The following DNAH9 variants were observed in gnomAD, a reference collection of about 807,000 sequenced individuals.
DNAH9 encodes DNAH9 variant protein.
A neutral mutation model predicts 471.6 loss-of-function variants in DNAH9; 345 were observed. That is an observed-to-expected ratio of 0.73 (90% CI 0.67 to 0.80). DNAH9 has a LOEUF of 0.80. Among genes scored for constraint, DNAH9 ranks in the 30% least tolerant of loss-of-function variants. The pLI is 0.00. For missense variants in DNAH9, 5,407 were observed against 5,609.2 expected (o/e 0.96, Z 1.15); for synonymous variants, 2,093 against 2,123.6 (o/e 0.99, Z 0.40).
At chr17:11,737,422 C>T (rs572571458) in intron 28 of DNAH9, among the ~76,000 whole-genome samples, 9 of 151,054 alleles carry the variant, frequency 6.0e-5, no homozygotes, top group African/African-American at 1.5e-4. Context: ...TGGACTTAGC[C>T]GACCTGCTGA....
At chr17:11,654,766 C>G (rs575420908) in intron 14 of DNAH9, among the ~76,000 whole-genome samples, 5 of 152,010 alleles carry the variant, frequency 3.3e-5, no homozygotes, top group African/African-American at 1.2e-4. Context: ...TCATGTAATT[C>G]TCATGAAAAT....
intron 1 of DNAH9, among the ~76,000 whole-genome samples, chr17:11,602,806 C>G (rs903667506): frequency 2.0e-5 from 3 of 152,158 alleles, no homozygotes; most frequent in African/African-American, 7.2e-5. Flanking sequence ...TCCCAACAAC[C>G]ACCAACCTCA....
intron 67 of DNAH9, among the ~76,000 whole-genome samples, chr17:11,953,533 C>T (rs1446785520): frequency 1.3e-5 from 2 of 152,050 alleles, no homozygotes; most frequent in Non-Finnish European, 2.9e-5. Flanking sequence ...CTGACAAGGC[C>T]AGGTGCGGTG....
chr17:11,646,465 C>T (rs1366505844), intron 11 of DNAH9, among the ~76,000 whole-genome samples: 4 of 152,182 alleles, frequency 2.6e-5, no homozygotes, highest in South Asian at 2.1e-4. Context: ...GAATGATGAA[C>T]GTCCATGAGC....
At chr17:11,696,080 C>T (rs1182695042) in intron 22 of DNAH9, among the ~76,000 whole-genome samples, 4 of 152,196 alleles carry the variant, frequency 2.6e-5, no homozygotes, top group Non-Finnish European at 4.4e-5. Flanking sequence ...GCCATAACCA[C>T]GTCTGTTCCA....
At chr17:11,770,447 G>GT (rs142113052) in intron 38 of DNAH9, among the ~76,000 whole-genome samples, 2 of 112,314 alleles carry the variant, frequency 1.8e-5, no homozygotes, top group African/African-American at 9.6e-5. Context: ...ATGCTGATGG[G>GT]GGGGAGCACC....
In DNAH9 at chr17:11,932,134, TA is replaced by T; in HGVS notation, c.12227del (p.Tyr4076SerfsTer12). The T allele has an allele frequency of 1.2e-6, 2 of 1,614,156 alleles. No homozygotes were observed. The highest frequency in any genetic ancestry group is 8.5e-7 in the Non-Finnish European group (1 of 1,180,038). On this transcript the variant is annotated frameshift_variant, in exon 64 of 69. Coordinates refer to ENST00000262442, the MANE Select transcript of DNAH9 (RefSeq NM_001372.4). LOFTEE classifies it high-confidence loss of function. This position sits in a 1 kb window ranked among gnomAD's most constrained non-coding sequence, Gnocchi z 4.3. ...TGGGCCCCAGGGATGGAATCGCTCA[TA>T]CCCCTTTAACACTGGAGACCTCACT... Reference protein sequence around the residue: ...KFGPQGWNRSYPFNTGDLTIS... With the variant: ...KFGPQGWNRSXPFNTGDLTIS...
intron 35 of DNAH9, among the ~76,000 whole-genome samples, chr17:11,762,352 G>A (rs1181897383): frequency 6.6e-6 from 1 of 152,192 alleles, no homozygotes; most frequent in Non-Finnish European, 1.5e-5. Context: ...TGGGCTGAGT[G>A]TGTGGGTACG....
intron 53 of DNAH9, among the ~76,000 whole-genome samples, chr17:11,877,970 G>C (rs1042713810): frequency 2.6e-5 from 4 of 152,084 alleles, no homozygotes; most frequent in African/African-American, 7.2e-5. Context: ...CTGACCTCAG[G>C]TAATCCACCT....
Position 11,923,855 on chromosome 17 carries a change from A to G in DNAH9, c.11791A>G (p.Asn3931Asp), listed in dbSNP as rs2151029354. The G allele has an allele frequency of 6.2e-7, 1 of 1,614,040 alleles. No homozygotes were observed. Among genetic ancestry groups the G allele is most frequent in the East Asian group, 2.2e-5 (1 of 44,872 alleles). The change falls in exon 62 of 69, where the codon AAC becomes GAC. Residue 3931 changes from asparagine (N) to aspartate (D), a missense_variant. By Grantham distance (23) the Asn-to-Asp change is conservative. Around this residue, in one of 3 missense-constraint regions of DNAH9, gnomAD observed 4,636 missense variants for 4,900.3 expected, o/e 0.95. Coordinates refer to ENST00000262442, the MANE Select transcript of DNAH9 (RefSeq NM_001372.4). Reference protein sequence around the residue: ...GYTFNNQNFHNVSLGQGQEVV... With the variant: ...GYTFNNQNFHDVSLGQGQEVV... ...CACCTTCAACAATCAGAACTTTCACAACGTGTCTTTGGGGCAAGGACAGGA... is the reference window on the plus strand; with the variant it reads ...CACCTTCAACAATCAGAACTTTCACGACGTGTCTTTGGGGCAAGGACAGGA...
chr17:11,868,139 T>C (rs1972126840), intron 50 of DNAH9, among the ~76,000 whole-genome samples: 1 of 152,230 alleles, frequency 6.6e-6, no homozygotes. Context: ...TTGCTTGGTG[T>C]AATGGGCTTA....
intron 41 of DNAH9, among the ~76,000 whole-genome samples, chr17:11,786,096 G>T (rs1000272414): frequency 2.8e-5 from 4 of 140,674 alleles, no homozygotes; most frequent in African/African-American, 1.1e-4. Flanking sequence ...AAAAAAAAAA[G>T]AAGTTAACAT....
At chr17:11,896,628 T>C (rs4791482) in intron 59 of DNAH9, among the ~76,000 whole-genome samples, 92,294 of 152,040 alleles carry the variant, frequency 0.61, 30,736 homozygotes, top group Middle Eastern at 0.76. Context: ...ACAAAATGCC[T>C]AAGAATGATT....
At chr17:11,929,024 C>CTTT (rs71142254) in intron 62 of DNAH9, among the ~76,000 whole-genome samples, 48 of 102,914 alleles carry the variant, frequency 4.7e-4, no homozygotes, top group African/African-American at 6.6e-4. Context: ...GTGTTACAGC[C>CTTT]TTTTTTTTTT....
At chr17:11,956,136 G>C (rs902424533) in intron 67 of DNAH9, among the ~76,000 whole-genome samples, 2 of 151,992 alleles carry the variant, frequency 1.3e-5, no homozygotes, top group Non-Finnish European at 2.9e-5. Flanking sequence ...ACACAGGTTA[G>C]AAGAAAAAGA....
chr17:11,723,821 C>T (rs913209983), intron 27 of DNAH9, among the ~76,000 whole-genome samples: 4 of 152,004 alleles, frequency 2.6e-5, no homozygotes, highest in Non-Finnish European at 1.5e-5. Flanking sequence ...GCGCCCGCCA[C>T]CACGCCTGGC....
At chr17:11,894,166 A>G (rs1277345826) in intron 58 of DNAH9, among the ~76,000 whole-genome samples, 1 of 152,082 alleles carries the variant, frequency 6.6e-6, no homozygotes. Flanking sequence ...CAGTTCAGTC[A>G]CTCTCATATT....
At chr17:11,613,868 TGTTA>T (rs2072688073) in intron 4 of DNAH9, among the ~76,000 whole-genome samples, 1 of 152,240 alleles carries the variant, frequency 6.6e-6, no homozygotes, top group African/African-American at 2.4e-5. Context: ...ATTATGAGTT[TGTTA>T]TTTAGTGCCC....
intron 48 of DNAH9, among the ~76,000 whole-genome samples, chr17:11,829,156 T>C (rs1402866562): frequency 6.6e-6 from 1 of 152,210 alleles, no homozygotes; most frequent in Non-Finnish European, 1.5e-5. Flanking sequence ...CTATGGTTCC[T>C]AACTCTGTAA....
Sources: allele counts gnomAD v4.1 joint callset (sites outside exome capture counted in the v4.1 genomes callset), GRCh38; gene constraint gnomAD v4.1.1; regional missense constraint gnomAD v4.1.1; non-coding constraint Gnocchi (gnomAD v3.1); transcripts MANE v1.5; gene names NCBI Gene and HGNC (gene_info 2026-07-23, HGNC 2026-07-21).